Variants in CFAP299 observed in about 807,000 individuals in gnomAD.
CFAP299 encodes cilia- and flagella-associated protein 299.
CFAP299 carries 21 observed loss-of-function variants against 27.0 expected under a neutral mutation model. The observed-to-expected ratio is 0.78, with a 90% CI of 0.55 to 1.12. The LOEUF (loss-of-function observed/expected upper bound fraction) is 1.12, where lower values mean the gene tolerates loss of function less well. Among genes scored for constraint, CFAP299 ranks in the 50% most tolerant of loss-of-function variants. CFAP299 has a pLI of 0.00. For missense variants in CFAP299, 310 were observed against 276.6 expected (o/e 1.12, Z -0.86); for synonymous variants, 104 against 98.1 (o/e 1.06, Z -0.36).
chr4:80,600,922 G>T (rs1318505497), intron 3 of CFAP299, among the ~76,000 whole-genome samples: 2 of 152,058 alleles, frequency 1.3e-5, no homozygotes, highest in Non-Finnish European at 2.9e-5. Context: ...GTAGAAAGAG[G>T]GTAACTATTG....
intron 4 of CFAP299, among the ~76,000 whole-genome samples, chr4:80,923,636 C>T (rs977536532): frequency 1.6e-4 from 25 of 151,998 alleles, no homozygotes; most frequent in Non-Finnish European, 7.4e-5. Context: ...CGATAGCTGC[C>T]ACTATGGTGC....
At chr4:80,605,248 A>C (rs937512943) in intron 3 of CFAP299, among the ~76,000 whole-genome samples, 7 of 152,162 alleles carry the variant, frequency 4.6e-5, no homozygotes, top group African/African-American at 1.4e-4. Context: ...GGTGCAGATA[A>C]ATTTTCTTTT....
rs538809320 is a variant in CFAP299, at chr4:80,632,180, G to A, written c.333+48997G>A. On this transcript the variant is annotated intron_variant, in intron 3 of 5. Transcript: ENST00000358105. ...TTAATAGCAACCTAAATGGATTAGGGCAACATTTTTTTCAACATGACTTAA... is the reference window on the plus strand; with the variant it reads ...TTAATAGCAACCTAAATGGATTAGGACAACATTTTTTTCAACATGACTTAA... Among the ~76,000 whole-genome samples the A allele has an allele frequency of 2.6e-5, 4 of 151,932 alleles. No homozygotes were observed. In the South Asian group the frequency reaches 8.4e-4, roughly 32 times the overall value.
intron 2 of CFAP299, among the ~76,000 whole-genome samples, chr4:80,495,874 A>G (rs1294015323): frequency 6.6e-6 from 1 of 152,160 alleles, no homozygotes; most frequent in East Asian, 1.9e-4. Flanking sequence ...CCAGAGGTGT[A>G]CCTCTGCCCT....
chr4:80,804,624 T>C (rs1250852696), intron 3 of CFAP299, among the ~76,000 whole-genome samples: 10 of 152,180 alleles, frequency 6.6e-5, no homozygotes, highest in Admixed American at 6.6e-4. Context: ...GTTTTCGATA[T>C]GTAATAACTT....
At chr4:80,727,364 A>G (rs1723221034) in intron 3 of CFAP299, among the ~76,000 whole-genome samples, 1 of 152,054 alleles carries the variant, frequency 6.6e-6, no homozygotes, top group South Asian at 2.1e-4. Context: ...AAGTTATTTA[A>G]CTGGTCTGTA....
intron 2 of CFAP299, among the ~76,000 whole-genome samples, chr4:80,564,649 G>A (rs571722761): frequency 6.6e-5 from 10 of 152,004 alleles, no homozygotes; most frequent in East Asian, 1.9e-4. Context: ...GTTATTGAAC[G>A]TAGTACTGGA....
intron 2 of CFAP299, among the ~76,000 whole-genome samples, chr4:80,434,032 G>A (rs149470653): frequency 2.6e-5 from 4 of 152,164 alleles, no homozygotes; most frequent in African/African-American, 9.6e-5. Flanking sequence ...TTTACCAAAT[G>A]CCTGTTATGT....
At chr4:80,881,616 C>G (rs1222241327) in intron 4 of CFAP299, among the ~76,000 whole-genome samples, 2 of 152,138 alleles carry the variant, frequency 1.3e-5, no homozygotes, top group African/African-American at 4.8e-5. Context: ...CTCTCTGAGT[C>G]TGGACTAGTA....
At chr4:80,752,090 T>C (rs950334420) in intron 3 of CFAP299, among the ~76,000 whole-genome samples, 2 of 152,174 alleles carry the variant, frequency 1.3e-5, no homozygotes, top group Admixed American at 6.5e-5. Context: ...GCAAAGATCT[T>C]TGAGAGAAGC....
chr4:80,545,332 AAAAT>A (rs1212959964), intron 2 of CFAP299, among the ~76,000 whole-genome samples: 3 of 152,276 alleles, frequency 2.0e-5, no homozygotes, highest in East Asian at 3.9e-4. Flanking sequence ...CTAACAGAAG[AAAAT>A]AAATAACCAA....
chr4:80,354,274 A>G (rs768958007), intron 1 of CFAP299, among the ~76,000 whole-genome samples: 52 of 152,204 alleles, frequency 3.4e-4, no homozygotes, highest in Non-Finnish European at 6.9e-4. Context: ...AATTATGTAC[A>G]ATATCTGTCC....
intron 1 of CFAP299, among the ~76,000 whole-genome samples, chr4:80,342,968 G>A (rs967767400): frequency 7.2e-5 from 11 of 152,106 alleles, no homozygotes; most frequent in Non-Finnish European, 8.8e-5. Context: ...TCAAAATAAA[G>A]GGATGGAGAA....
chr4:80,363,250 G>A (rs1372436167), intron 2 of CFAP299, among the ~76,000 whole-genome samples: 4 of 151,966 alleles, frequency 2.6e-5, no homozygotes, highest in African/African-American at 4.8e-5. Context: ...TATCATTTAT[G>A]TTCTCACATT....
chr4:80,956,499 A>G (rs992468480), intron 5 of CFAP299, among the ~76,000 whole-genome samples: 1 of 152,158 alleles, frequency 6.6e-6, no homozygotes, highest in Admixed American at 6.5e-5. Flanking sequence ...TGGCACAATC[A>G]TAAACTCACT....
chr4:80,361,642 C>CTT (rs959756560), intron 1 of CFAP299, among the ~76,000 whole-genome samples: 17 of 152,152 alleles, frequency 1.1e-4, no homozygotes, highest in South Asian at 2.1e-4. Context: ...GCATTGTAAT[C>CTT]ATTTGGCAAA....
intron 3 of CFAP299, among the ~76,000 whole-genome samples, chr4:80,794,510 T>A (rs1727744973): frequency 6.6e-6 from 1 of 152,166 alleles, no homozygotes; most frequent in East Asian, 1.9e-4. Context: ...TGTCACGTAG[T>A]TGGCATTGTA....
intron 3 of CFAP299, among the ~76,000 whole-genome samples, chr4:80,791,319 A>G (rs1727555689): frequency 6.6e-6 from 1 of 152,028 alleles, no homozygotes; most frequent in Non-Finnish European, 1.5e-5. Flanking sequence ...TTTATTTCTT[A>G]GCTGGGTAAA....
intron 2 of CFAP299, among the ~76,000 whole-genome samples, chr4:80,430,994 C>A (rs764693466): frequency 6.6e-6 from 1 of 152,204 alleles, no homozygotes; most frequent in Admixed American, 6.5e-5. Flanking sequence ...TTGTTTCCCA[C>A]ATTCACCTTC....
Sources: gnomAD v4.1 joint callset for allele counts (sites outside exome capture counted in the v4.1 genomes callset) on GRCh38, gnomAD v4.1.1 for gene constraint, MANE v1.5 for transcripts, NCBI Gene and HGNC (gene_info 2026-07-23, HGNC 2026-07-21) for gene names.